Variants in CDH13 observed in about 807,000 individuals in gnomAD.
CDH13 encodes the protein cadherin-13.
Under a neutral mutation model 63.8 loss-of-function variants are expected in CDH13, and 24 were observed. The observed-to-expected ratio is 0.38, with a 90% CI of 0.27 to 0.53. The LOEUF (loss-of-function observed/expected upper bound fraction) is 0.53. Among genes scored for constraint, CDH13 ranks in the 20% least tolerant of loss-of-function variants. The probability of loss-of-function intolerance (pLI) is 0.85; values close to 1 mark genes in which losing one functional copy is unlikely to be tolerated. For missense variants in CDH13, 1,049 were observed against 903.1 expected (o/e 1.16, Z -2.07); for synonymous variants, 503 against 355.3 (o/e 1.42, Z -4.67).
rs556729672 is a variant in CDH13 at position 83,106,477 on chromosome 16, G to A, written c.367-18908G>A. ...AATAACTAGAATCCAGGAAGCAGAG[G>A]TTGCGGTGGGCCGAGATCACGCCAT... is the stretch of plus-strand genomic sequence containing the variant. On this transcript the variant is annotated intron_variant, in intron 3 of 13. Coordinates refer to ENST00000567109, the MANE Select transcript of CDH13 (RefSeq NM_001257.5). Among the ~76,000 whole-genome samples, 28 of 152,312 alleles carry A rather than the reference G, an allele frequency of 1.8e-4. 1 individual carries two copies. In the South Asian group the frequency reaches 5.6e-3, roughly 30 times the overall value.
At chr16:83,092,824 C>T (rs2033984383) in intron 3 of CDH13, among the ~76,000 whole-genome samples, 1 of 152,122 alleles carries the variant, frequency 6.6e-6, no homozygotes, top group South Asian at 2.1e-4. Context: ...AAATTTAGTA[C>T]ATTAATTTTT....
chr16:83,316,397 C>T (rs1406936262), intron 5 of CDH13, among the ~76,000 whole-genome samples: 1 of 152,092 alleles, frequency 6.6e-6, no homozygotes, highest in Non-Finnish European at 1.5e-5. Flanking sequence ...GTGTCACGAG[C>T]CTGGATTTCC....
intron 7 of CDH13, among the ~76,000 whole-genome samples, chr16:83,516,206 A>C (rs186571344): frequency 3.6e-3 from 551 of 152,330 alleles, no homozygotes; most frequent in Non-Finnish European, 4.5e-3. Flanking sequence ...TTTTACACTC[A>C]AAGTTTTCTT....
rs1183493960 is a variant in CDH13 at position 82,866,381 on chromosome 16, T to C, written c.157+7908T>C. Among the ~76,000 whole-genome samples, 442 of 52,934 alleles carry C rather than the reference T, an allele frequency of 8.4e-3. 1 individual carries two copies. Among genetic ancestry groups the C allele is most frequent in the African/African-American group, 0.026 (427 of 16,356 alleles). The allele number at this position is 52,934 out of a possible 152,430, so 34.7% of individuals were successfully genotyped here. ...TTTTCTTTTCTTTTTCTTCTTCTTT[T>C]TTTTTTTTTTTTTTTTTTTTTTTTT... is the stretch of plus-strand genomic sequence containing the variant. On this transcript the variant is annotated intron_variant, in intron 2 of 13. Transcript: ENST00000567109.
At chr16:82,767,263 G>C (rs1044145688) in intron 1 of CDH13, among the ~76,000 whole-genome samples, 2 of 152,176 alleles carry the variant, frequency 1.3e-5, no homozygotes, top group African/African-American at 4.8e-5. Flanking sequence ...CAGAATTACT[G>C]CAGAAAGTTC....
intron 2 of CDH13, among the ~76,000 whole-genome samples, chr16:82,964,637 T>C (rs544649312): frequency 1.4e-4 from 22 of 152,350 alleles, no homozygotes; most frequent in African/African-American, 5.1e-4. Context: ...ATAACACTTC[T>C]TCATAAAGGG....
At chr16:83,432,055 G>A (rs1476658879) in intron 6 of CDH13, among the ~76,000 whole-genome samples, 1 of 152,160 alleles carries the variant, frequency 6.6e-6, no homozygotes, top group Non-Finnish European at 1.5e-5. Flanking sequence ...CCAGGTAGAA[G>A]GCTTCTGCAA....
chr16:83,660,792 G>A (rs550702966), intron 8 of CDH13, among the ~76,000 whole-genome samples: 4 of 152,128 alleles, frequency 2.6e-5, no homozygotes, highest in African/African-American at 9.7e-5. Context: ...CTGCTTCTCC[G>A]AATTAAACTA....
chr16:82,703,479 C>G (rs948984167), intron 1 of CDH13, among the ~76,000 whole-genome samples: 3 of 152,124 alleles, frequency 2.0e-5, no homozygotes, highest in Non-Finnish European at 2.9e-5. Context: ...TCCCTTGCCC[C>G]TTTGGAGATG....
intron 4 of CDH13, among the ~76,000 whole-genome samples, chr16:83,184,014 C>G (rs1397752418): frequency 5.3e-5 from 8 of 151,516 alleles, no homozygotes; most frequent in African/African-American, 1.9e-4. Flanking sequence ...AGCCATAGCA[C>G]TGATTGTAGA....
intron 7 of CDH13, among the ~76,000 whole-genome samples, chr16:83,538,600 G>A (rs1476313255): frequency 6.6e-6 from 1 of 152,226 alleles, no homozygotes; most frequent in Non-Finnish European, 1.5e-5. Context: ...GAGGAAGTAT[G>A]ATAGAGCCAT....
intron 9 of CDH13, among the ~76,000 whole-genome samples, chr16:83,676,528 C>A (rs971784633): frequency 6.6e-6 from 1 of 152,200 alleles, no homozygotes; most frequent in Admixed American, 6.5e-5. Context: ...TCTGGCATCA[C>A]TTGGGATGGA....
chr16:83,339,377 T>G (rs1451651959), intron 5 of CDH13, among the ~76,000 whole-genome samples: 1 of 152,178 alleles, frequency 6.6e-6, no homozygotes, highest in Non-Finnish European at 1.5e-5. Context: ...TTAATTAAGT[T>G]ATTATAAATG....
intron 6 of CDH13, among the ~76,000 whole-genome samples, chr16:83,345,337 G>A (rs1428852860): frequency 6.6e-6 from 1 of 152,178 alleles, no homozygotes; most frequent in Non-Finnish European, 1.5e-5. Flanking sequence ...TTGTGCTATA[G>A]CAGGGCTTTG....
intron 2 of CDH13, among the ~76,000 whole-genome samples, chr16:82,987,997 C>T (rs768518572): frequency 1.2e-4 from 19 of 152,192 alleles, no homozygotes; most frequent in African/African-American, 3.6e-4. Flanking sequence ...TGGAACACTA[C>T]CCTCCCAGCA....
At chr16:83,588,848 G>T (rs562715871) in intron 7 of CDH13, among the ~76,000 whole-genome samples, 1 of 152,344 alleles carries the variant, frequency 6.6e-6, no homozygotes, top group South Asian at 2.1e-4. Context: ...GGTGGGCGAG[G>T]AATGAGGTGC....
chr16:83,655,831 C>G (rs565796543), intron 8 of CDH13, among the ~76,000 whole-genome samples: 3 of 152,128 alleles, frequency 2.0e-5, no homozygotes, highest in Non-Finnish European at 2.9e-5. Context: ...CTGGCTGCTA[C>G]TATGCAGAGG....
chr16:83,647,037 G>T (rs1033641638), intron 8 of CDH13, among the ~76,000 whole-genome samples: 2 of 151,906 alleles, frequency 1.3e-5, no homozygotes, highest in Non-Finnish European at 2.9e-5. Context: ...TCGGCCAGGC[G>T]CGGTGGCTCA....
chr16:83,667,490 T>C (rs546186453), intron 8 of CDH13, among the ~76,000 whole-genome samples: 9 of 152,188 alleles, frequency 5.9e-5, no homozygotes, highest in East Asian at 5.8e-4. Context: ...CATCCATCCA[T>C]CCGTCCCATC....
Sources: allele counts gnomAD v4.1 joint callset (sites outside exome capture counted in the v4.1 genomes callset), GRCh38; gene constraint gnomAD v4.1.1; transcripts MANE v1.5; gene names NCBI Gene and HGNC (gene_info 2026-07-23, HGNC 2026-07-21).